Variants in ZNF568 observed in about 807,000 individuals in gnomAD.
The protein encoded by ZNF568 is p53 inhibitor of SCO2 activation.
A neutral mutation model predicts 18.1 loss-of-function variants in ZNF568; 11 were observed. The ratio of observed to expected loss-of-function variants is 0.61; its 90% CI spans 0.38 to 1.00. The LOEUF (loss-of-function observed/expected upper bound fraction) is 1.00. ZNF568 is among the 50% of genes least tolerant of loss of function. The pLI is 0.01. For missense variants in ZNF568, 639 were observed against 768.2 expected, an observed-to-expected ratio of 0.83 and a Z score of 1.99; for synonymous variants, 213 against 246.6, an observed-to-expected ratio of 0.86 and a Z score of 1.28.
intron 4 of ZNF568, chr19:36,996,300 T>A: frequency 6.0e-6 from 9 of 1,502,254 alleles, no homozygotes; most frequent in Non-Finnish European, 8.0e-6. Flanking sequence ...CCTATTTTCT[T>A]TCTTATTATT....
chr19:36,945,545 A>T (rs1464234401), intron 6 of ZNF568, among the ~76,000 whole-genome samples: 1 of 152,158 alleles, frequency 6.6e-6, no homozygotes, highest in African/African-American at 2.4e-5. Flanking sequence ...AATATGTGTT[A>T]ATCAACTATG....
chr19:36,923,058 G>A (rs2073485313), intron 3 of ZNF568, among the ~76,000 whole-genome samples: 1 of 152,010 alleles, frequency 6.6e-6, no homozygotes, highest in African/African-American at 2.4e-5. Flanking sequence ...GTATGTTTAA[G>A]TATATCTTTA....
chr19:36,948,838 C>T (rs1236556081), intron 6 of ZNF568, among the ~76,000 whole-genome samples: 1 of 151,974 alleles, frequency 6.6e-6, no homozygotes, highest in Non-Finnish European at 1.5e-5. Flanking sequence ...TGCGAGGGAA[C>T]ATCCTTGCCT....
intron 4 of ZNF568, among the ~76,000 whole-genome samples, chr19:36,992,347 C>CAA (rs1229974078): frequency 1.3e-5 from 2 of 150,630 alleles, no homozygotes; most frequent in African/African-American, 2.4e-5. Flanking sequence ...ACTAAAAATA[C>CAA]AAAAATTAGC....
At chr19:36,976,226 A>T (rs2074283818) in intron 7 of ZNF568, 1 of 152,058 alleles carries the variant, frequency 6.6e-6, no homozygotes, top group African/African-American at 2.4e-5. Flanking sequence ...ATGTGTAGTC[A>T]TGTGATTTTT....
chr19:36,919,301 GTATA>G (rs1471033007), intron 2 of ZNF568, among the ~76,000 whole-genome samples: 1 of 152,118 alleles, frequency 6.6e-6, no homozygotes, highest in East Asian at 1.9e-4. Flanking sequence ...TGGGTGGACA[GTATA>G]TATAACTAAA....
At chr19:36,958,635 T>C (rs867249128) in intron 6 of ZNF568, among the ~76,000 whole-genome samples, 32 of 145,324 alleles carry the variant, frequency 2.2e-4, no homozygotes, top group African/African-American at 7.4e-4. Flanking sequence ...TTTTTTTTTT[T>C]TTTGAGACAG....
intron 7 of ZNF568, chr19:36,978,925 C>G: frequency 3.2e-6 from 1 of 310,296 alleles, no homozygotes; most frequent in Non-Finnish European, 6.2e-6. Flanking sequence ...CTCATGGTTG[C>G]GCTTGGTCTC....
At chr19:36,929,406 C>T (rs2073642292) in intron 4 of ZNF568, among the ~76,000 whole-genome samples, 1 of 151,992 alleles carries the variant, frequency 6.6e-6, no homozygotes, top group Admixed American at 6.6e-5. Flanking sequence ...CTGGGTGTGG[C>T]CAGGCGTGGT....
Position 36,923,497 on chromosome 19 carries a change from G to A in ZNF568, c.76+651G>A, listed in dbSNP as rs183723819. 9.9e-5 allele frequency among the ~76,000 whole-genome samples: 15 copies of A among 151,864 alleles called. No individual in the cohort carries two copies. In the East Asian group the frequency reaches 2.1e-3, roughly 22 times the overall value. On this transcript the variant is annotated intron_variant, in intron 3 of 6. Coordinates refer to ENST00000333987, the MANE Select transcript of ZNF568 (RefSeq NM_198539.4). ...CCAGAACTCCTGCTTTTTGGGAGAC[G>A]AAGGAAGTGAGCATGTTGGACACCT...
chr19:36,997,576 G>C, downstream of ZNF568: 1 of 1,577,390 alleles, frequency 6.3e-7, no homozygotes, highest in South Asian at 1.1e-5. Flanking sequence ...GAAGCCCTTT[G>C]GTGGTGGCTC....
At chr19:36,975,152 CTT>C (rs750626556) in intron 7 of ZNF568, among the ~76,000 whole-genome samples, 6 of 126,540 alleles carry the variant, frequency 4.7e-5, no homozygotes, top group Admixed American at 8.0e-5. Flanking sequence ...TTCTTTCTTT[CTT>C]TTTTTTTTTT....
intron 4 of ZNF568, among the ~76,000 whole-genome samples, chr19:36,932,252 T>C (rs1282818646): frequency 6.6e-6 from 1 of 152,206 alleles, no homozygotes; most frequent in Admixed American, 6.5e-5. Flanking sequence ...GAAATGAAAT[T>C]GCTAGATCAT....
intron 6 of ZNF568, among the ~76,000 whole-genome samples, chr19:36,947,427 A>G (rs75887709): frequency 0.084 from 12,751 of 152,246 alleles, 717 homozygotes; most frequent in Non-Finnish European, 0.12. Context: ...AATAACAGAA[A>G]GGGATTGTTG....
At chr19:36,953,667 T>A (rs2074085753), downstream of ZNF568, among the ~76,000 whole-genome samples, 1 of 152,182 alleles carries the variant, frequency 6.6e-6, no homozygotes, top group Non-Finnish European at 1.5e-5. Flanking sequence ...AACCCAGCGC[T>A]TTGGGAGGCC....
chr19:36,947,085 G>T (rs1392382919), intron 6 of ZNF568, among the ~76,000 whole-genome samples: 1 of 151,572 alleles, frequency 6.6e-6, no homozygotes, highest in Non-Finnish European at 1.5e-5. Flanking sequence ...GCACGATCTC[G>T]GCTCACTGCA....
chr19:36,991,188 A>G (rs2074420908), exon 3 of ZNF568: 5 of 1,535,458 alleles, frequency 3.3e-6, no homozygotes, highest in Non-Finnish European at 4.4e-6. Context: ...CTTGAAGTTC[A>G]AAGATGTGGT....
At chr19:36,936,693 T>C in intron 4 of ZNF568, 53 bp from the exon 5 acceptor site, 1 of 1,574,664 alleles carries the variant, frequency 6.4e-7, no homozygotes, top group Non-Finnish European at 8.7e-7. Context: ...TATGTTGTGA[T>C]CACAATGCCT....
chr19:36,951,803 AT>A lies in ZNF568; in HGVS notation c.*720del. On this transcript the variant is annotated 3_prime_UTR_variant, in exon 7 of 7. Transcript: ENST00000333987. ...TGTTTTGTTTTGTTTTGTTTTTTGT[AT>A]TTTTAGTAGAGACGGGGTTTCACCA... 1 of 291,562 alleles carries A rather than the reference AT, an allele frequency of 3.4e-6. No individual in the cohort carries two copies. The highest frequency in any genetic ancestry group is 4.9e-6 in the Non-Finnish European group (1 of 203,576). 18.1% of individuals were successfully genotyped at this position (291,562 alleles called of 1,614,324 possible). A position where few individuals can be genotyped will look rare whatever the true frequency, so the allele number is the denominator to read the frequency against.
Sources: allele counts gnomAD v4.1 joint callset (sites outside exome capture counted in the v4.1 genomes callset), GRCh38; gene constraint gnomAD v4.1.1; transcripts MANE v1.5; gene names NCBI Gene and HGNC (gene_info 2026-07-23, HGNC 2026-07-21).